The following PRRC1 variants were observed in gnomAD, a reference collection of about 807,000 sequenced individuals.
The protein encoded by PRRC1 is proline rich coiled-coil 1.
In PRRC1, 39 loss-of-function variants were observed where a neutral mutation model predicts 40.7. That is an observed-to-expected ratio of 0.96 (90% confidence interval 0.74 to 1.25). PRRC1 has a LOEUF of 1.25. Ranked by LOEUF, PRRC1 falls within the 50% of genes most tolerant of loss-of-function variation. The pLI is 0.00. For synonymous variants in PRRC1, 175 were observed against 193.3 expected (o/e 0.91, Z 0.79); for missense variants, 573 against 548.3 (o/e 1.05, Z -0.45).
intron 7 of PRRC1, among the ~76,000 whole-genome samples, chr5:127,547,562 A>G (rs112458027): frequency 1.3e-5 from 2 of 152,170 alleles, no homozygotes; most frequent in South Asian, 2.1e-4. Flanking sequence ...CTCCCTTCCC[A>G]TGGAGAGGAA....
intron 3 of PRRC1, 134 bp downstream of exon 3, chr5:127,525,054 AGTTTAC>A: frequency 1.1e-6 from 1 of 925,800 alleles, no homozygotes; most frequent in Non-Finnish European, 1.5e-6. Flanking sequence ...TTCCATAGTT[AGTTTAC>A]ATCAGAATTG....
chr5:127,525,945 G>C (rs1253957236), intron 3 of PRRC1, among the ~76,000 whole-genome samples: 1 of 152,178 alleles, frequency 6.6e-6, no homozygotes, highest in Non-Finnish European at 1.5e-5. Flanking sequence ...TAAAAAGTCA[G>C]AAACAAATAA....
chr5:127,530,220 T>C (rs1767730534), intron 4 of PRRC1, 74 bp from the exon 5 acceptor site: 3 of 1,350,396 alleles, frequency 2.2e-6, no homozygotes. Context: ...TTAAAAAAGT[T>C]TTCTTCACAA....
At chr5:127,544,221 C>T (rs997468894) in intron 7 of PRRC1, among the ~76,000 whole-genome samples, 3 of 152,182 alleles carry the variant, frequency 2.0e-5, no homozygotes, top group Non-Finnish European at 4.4e-5. Context: ...GCTGTCTGAT[C>T]GTTCCTCTGG....
intron 7 of PRRC1, among the ~76,000 whole-genome samples, chr5:127,543,772 G>A (rs369755675): frequency 1.3e-5 from 2 of 151,974 alleles, no homozygotes; most frequent in Non-Finnish European, 2.9e-5. Flanking sequence ...TTATACATTC[G>A]TCTAAATTTT....
At chr5:127,520,285 T>A (rs1173385898) in intron 1 of PRRC1, among the ~76,000 whole-genome samples, 1 of 152,214 alleles carries the variant, frequency 6.6e-6, no homozygotes, top group Non-Finnish European at 1.5e-5. Context: ...TTAGTCTAGG[T>A]TGTTACTTAC....
chr5:127,542,710 T>G (rs1768084089), intron 7 of PRRC1, among the ~76,000 whole-genome samples: 1 of 151,024 alleles, frequency 6.6e-6, no homozygotes, highest in Admixed American at 6.6e-5. Context: ...TGCCTTTTTT[T>G]GTTTTCCATT....
chr5:127,552,035 T>C lies in PRRC1; in HGVS notation c.*119T>C. Reference sequence around the variant, plus strand: ...AATCCAGTAGTTTTTATCATTTTCCTGTAGCCTGCAATTTTTCTTTCTCTA... The same window carrying C: ...AATCCAGTAGTTTTTATCATTTTCCCGTAGCCTGCAATTTTTCTTTCTCTA... On this transcript the variant is annotated 3_prime_UTR_variant, in exon 9 of 9. Coordinates refer to ENST00000296666, the MANE Select transcript of PRRC1 (RefSeq NM_130809.5). 6.8e-7 allele frequency: 1 copy of C among 1,465,974 alleles called. No individual in the cohort carries two copies. The highest frequency in any genetic ancestry group is 9.0e-7 in the Non-Finnish European group (1 of 1,108,084). 90.8% of individuals were successfully genotyped at this position (1,465,974 alleles called of 1,614,324 possible).
At chr5:127,518,961 T>G (rs192743742) in intron 1 of PRRC1, among the ~76,000 whole-genome samples, 1 of 152,220 alleles carries the variant, frequency 6.6e-6, no homozygotes, top group Non-Finnish European at 1.5e-5. Context: ...GCACTATGTT[T>G]ATGCATGTAA....
intron 7 of PRRC1, among the ~76,000 whole-genome samples, chr5:127,545,821 C>T (rs1768203292): frequency 6.6e-6 from 1 of 150,580 alleles, no homozygotes; most frequent in Non-Finnish European, 1.5e-5. Context: ...TGTGTATTGT[C>T]TCTGTGAAGA....
intron 4 of PRRC1, 58 bp downstream of exon 4, chr5:127,526,836 A>G (rs1767631005): frequency 7.5e-7 from 1 of 1,325,804 alleles, no homozygotes; most frequent in South Asian, 1.8e-5. Context: ...ATAGATATTC[A>G]TTAGAGAAAA....
chr5:127,543,002 G>A (rs1400982732), intron 7 of PRRC1, among the ~76,000 whole-genome samples: 4 of 151,008 alleles, frequency 2.6e-5, no homozygotes, highest in Admixed American at 6.6e-5. Flanking sequence ...TGATTTTGCA[G>A]CAGCTGGTAC....
intron 6 of PRRC1, among the ~76,000 whole-genome samples, chr5:127,535,609 A>G (rs1198023138): frequency 6.6e-6 from 1 of 152,162 alleles, no homozygotes; most frequent in Admixed American, 6.6e-5. Context: ...GGATCGATCA[A>G]CTGTATTTAT....
chr5:127,538,609 T>C (rs964767725), intron 6 of PRRC1, among the ~76,000 whole-genome samples: 5 of 152,048 alleles, frequency 3.3e-5, no homozygotes, highest in Non-Finnish European at 7.4e-5. Flanking sequence ...GAAAAACATA[T>C]TTATTATTGA....
At chr5:127,535,611 T>A (rs1767879502) in intron 6 of PRRC1, among the ~76,000 whole-genome samples, 1 of 152,142 alleles carries the variant, frequency 6.6e-6, no homozygotes, top group Admixed American at 6.6e-5. Flanking sequence ...ATCGATCAAC[T>A]GTATTTATGT....
chr5:127,517,680 C>A lies in PRRC1; in HGVS notation c.-117C>A, dbSNP rs1216444019. 11 of 152,006 alleles carry A rather than the reference C, an allele frequency of 7.2e-5. No homozygotes were observed. Among genetic ancestry groups the A allele is most frequent in the African/African-American group, 2.7e-4 (11 of 41,404 alleles). 9.4% of individuals were successfully genotyped at this position (152,006 alleles called of 1,614,324 possible). On this transcript the variant is annotated 5_prime_UTR_variant, in exon 1 of 9. Coordinates refer to ENST00000296666, the MANE Select transcript of PRRC1 (RefSeq NM_130809.5). ...ACACGCCGAGGTAACTTCCAGGGTG[C>A]GCCTTCGTTGTCTTCTCCAAGCTGT...
At chr5:127,542,294 G>C (rs1768071181) in intron 7 of PRRC1, among the ~76,000 whole-genome samples, 1 of 151,978 alleles carries the variant, frequency 6.6e-6, no homozygotes, top group African/African-American at 2.4e-5. Context: ...TTACTTCCAA[G>C]TATGTGGTCA....
At position 127,517,726 on chromosome 5, in the gene PRRC1, C is replaced by A; in HGVS notation, c.-71C>A. 1 of 152,360 alleles carries A rather than the reference C, an allele frequency of 6.6e-6. No homozygotes were observed. 9.4% of individuals were successfully genotyped at this position (152,360 alleles called of 1,614,324 possible). A position where few individuals can be genotyped will look rare whatever the true frequency, so the allele number is the denominator to read the frequency against. Reference sequence around the variant, plus strand: ...GCTGTAGTTCTACGTCCCGACCTCCCTATCATACCACACTCTTCAGCGACC... The same window carrying A: ...GCTGTAGTTCTACGTCCCGACCTCCATATCATACCACACTCTTCAGCGACC... On this transcript the variant is annotated 5_prime_UTR_variant, in exon 1 of 9. Coordinates refer to ENST00000296666, the MANE Select transcript of PRRC1 (RefSeq NM_130809.5).
At chr5:127,541,233 C>G (rs1699481267) in intron 7 of PRRC1, among the ~76,000 whole-genome samples, 2 of 152,170 alleles carry the variant, frequency 1.3e-5, no homozygotes, top group African/African-American at 4.8e-5. Flanking sequence ...CCCACTTGAT[C>G]ATGGTGGATA....
Sources: allele counts gnomAD v4.1 joint callset (sites outside exome capture counted in the v4.1 genomes callset), GRCh38; gene constraint gnomAD v4.1.1; transcripts MANE v1.5; gene names NCBI Gene and HGNC (gene_info 2026-07-23, HGNC 2026-07-21).